FOXP2: variants seen among roughly 807,000 people sequenced by gnomAD.
The protein encoded by FOXP2 is forkhead box P2.
In FOXP2, 12 loss-of-function variants were observed where a neutral mutation model predicts 115.8. The ratio of observed to expected loss-of-function variants is 0.10; its 90% CI spans 0.07 to 0.17. The LOEUF (loss-of-function observed/expected upper bound fraction) is 0.17. Among genes scored for constraint, FOXP2 ranks in the 10% least tolerant of loss-of-function variants. The pLI is 1.00. For missense variants in FOXP2, 629 were observed against 843.5 expected, an observed-to-expected ratio of 0.75 and a Z score of 3.15; for synonymous variants, 328 against 297.7, an observed-to-expected ratio of 1.10 and a Z score of -1.05.
chr7:114,689,173 A>G (rs1015106284), intron 16 of FOXP2, among the ~76,000 whole-genome samples: 2 of 152,168 alleles, frequency 1.3e-5, no homozygotes, highest in Admixed American at 6.6e-5. Flanking sequence ...TTTTAATTAC[A>G]TAATGTATGT....
At chr7:114,353,334 CTTTT>C (rs138925770) in intron 2 of FOXP2, among the ~76,000 whole-genome samples, 3,345 of 63,834 alleles carry the variant, frequency 0.052, 56 homozygotes, top group South Asian at 0.11. Flanking sequence ...ATAGGAGCCT[CTTTT>C]TTTTTTTTTT....
chr7:114,289,396 A>G (rs1796540291), intron 2 of FOXP2, among the ~76,000 whole-genome samples: 1 of 151,894 alleles, frequency 6.6e-6, no homozygotes, highest in Admixed American at 6.6e-5. Context: ...ACAATTAGAG[A>G]TAGAACACAT....
At chr7:114,230,058 G>A (rs1362770886) in intron 1 of FOXP2, among the ~76,000 whole-genome samples, 1 of 151,706 alleles carries the variant, frequency 6.6e-6, no homozygotes, top group Non-Finnish European at 1.5e-5. Context: ...ACAACTGATG[G>A]CACAGAAATA....
chr7:114,439,735 A>G (rs1357369637), intron 2 of FOXP2, among the ~76,000 whole-genome samples: 1 of 149,702 alleles, frequency 6.7e-6, no homozygotes, highest in Non-Finnish European at 1.5e-5. Flanking sequence ...GTGTATATAG[A>G]TGTGTGTGTG....
At chr7:114,351,608 A>C (rs567530304) in intron 2 of FOXP2, among the ~76,000 whole-genome samples, 354 of 152,244 alleles carry the variant, frequency 2.3e-3, no homozygotes, top group Non-Finnish European at 4.4e-3. Context: ...AGTATGATAA[A>C]GTAATAGTTT....
At position 114,414,922 on chromosome 7, in the gene FOXP2, GCA is replaced by G. The variant is rs370182773; in HGVS notation, c.-438_-437del. 323 of 377,922 alleles carry G rather than the reference GCA, an allele frequency of 8.5e-4. 1 individual carries two copies. The highest frequency in any genetic ancestry group is 4.5e-3 in the African/African-American group (215 of 47,414). The allele number at this position is 377,922 out of a possible 1,614,324, so 23.4% of individuals were successfully genotyped here. A position where few individuals can be genotyped will look rare whatever the true frequency, so the allele number is the denominator to read the frequency against. ...CACACACTCACACACTCACACACAT[GCA>G]CACACACACATACACACACACAAAA... is the stretch of plus-strand genomic sequence containing the variant. On this transcript the variant is annotated 5_prime_UTR_variant, in exon 1 of 17. The change abolishes the stop of an existing upstream ORF in the 5' untranslated region. Transcript: ENST00000350908.
chr7:114,559,043 A>G (rs1171029503), intron 3 of FOXP2, among the ~76,000 whole-genome samples: 1 of 149,250 alleles, frequency 6.7e-6, no homozygotes, highest in Non-Finnish European at 1.5e-5. Flanking sequence ...ATTTTTTTTC[A>G]AAAACGCTTA....
intron 2 of FOXP2, among the ~76,000 whole-genome samples, chr7:114,401,085 C>T (rs1386889307): frequency 6.6e-6 from 1 of 152,098 alleles, no homozygotes; most frequent in African/African-American, 2.4e-5. Flanking sequence ...GGGTGAGGAA[C>T]GTGATTAGAT....
At chr7:114,127,598 A>G (rs1417336844) in intron 1 of FOXP2, among the ~76,000 whole-genome samples, 1 of 152,222 alleles carries the variant, frequency 6.6e-6, no homozygotes, top group Non-Finnish European at 1.5e-5. Context: ...AAAGAGACGA[A>G]GAAGGTATTA....
chr7:114,317,847 C>T (rs1348922843), intron 2 of FOXP2, among the ~76,000 whole-genome samples: 1 of 151,688 alleles, frequency 6.6e-6, no homozygotes, highest in African/African-American at 2.4e-5. Context: ...CCACAGTAGC[C>T]TTCTTGCTGT....
At chr7:114,664,133 AT>A (rs1222366599) in intron 15 of FOXP2, 139 bp from the exon 16 acceptor site, 34 of 967,334 alleles carry the variant, frequency 3.5e-5, no homozygotes, top group East Asian at 2.1e-4. Context: ...CCAGTTAGGA[AT>A]TTTTTTTCAA....
chr7:114,592,821 TC>T (rs1257472152), intron 3 of FOXP2, among the ~76,000 whole-genome samples: 3 of 152,186 alleles, frequency 2.0e-5, no homozygotes, highest in Middle Eastern at 3.4e-3. Flanking sequence ...TCTGTGAATG[TC>T]CATTTACCTC....
chr7:114,339,913 G>T (rs576203871), intron 2 of FOXP2, among the ~76,000 whole-genome samples: 1 of 151,160 alleles, frequency 6.6e-6, no homozygotes, highest in South Asian at 2.1e-4. Flanking sequence ...TATGTAGTAG[G>T]TGAATATAAT....
chr7:114,642,716 A>G lies in FOXP2; in HGVS notation c.989+93A>G, dbSNP rs952535982. ...AAAAAGAACAATTTGTACTTGGAGC[A>G]AGGACAAAATGTATAGAACAACAGA... On this transcript the variant is annotated intron_variant, in intron 7 of 16. Transcript: ENST00000350908. The G allele has an allele frequency of 1.3e-5, 14 of 1,061,990 alleles. No homozygotes were observed. In the Admixed American group the frequency reaches 2.5e-4, roughly 19 times the overall value. 65.8% of individuals were successfully genotyped at this position (1,061,990 alleles called of 1,614,324 possible).
At chr7:114,096,729 A>C (rs544079824) in intron 1 of FOXP2, among the ~76,000 whole-genome samples, 1 of 152,302 alleles carries the variant, frequency 6.6e-6, no homozygotes, top group African/African-American at 2.4e-5. Flanking sequence ...AAAACAACTC[A>C]TTTTTCTGGC....
chr7:114,371,146 T>C (rs1218754189), intron 2 of FOXP2, among the ~76,000 whole-genome samples: 1 of 152,204 alleles, frequency 6.6e-6, no homozygotes, highest in Non-Finnish European at 1.5e-5. Flanking sequence ...AGTGGTACTG[T>C]CAGGGCTAAC....
At chr7:114,626,166 T>C (rs796376150) in intron 3 of FOXP2, among the ~76,000 whole-genome samples, 3 of 151,954 alleles carry the variant, frequency 2.0e-5, no homozygotes, top group African/African-American at 7.2e-5. Flanking sequence ...CAAACCATTT[T>C]AGGAGTAAAA....
At chr7:114,388,888 C>T (rs186052413) in intron 2 of FOXP2, among the ~76,000 whole-genome samples, 71 of 152,282 alleles carry the variant, frequency 4.7e-4, no homozygotes, top group African/African-American at 1.5e-3. Flanking sequence ...TGCTTTTAAT[C>T]ATTTAGGCCA....
intron 2 of FOXP2, among the ~76,000 whole-genome samples, chr7:114,511,221 G>A (rs1798055020): frequency 6.6e-6 from 1 of 152,110 alleles, no homozygotes; most frequent in South Asian, 2.1e-4. Flanking sequence ...GGGGGGCTAG[G>A]GGAGGGATAG....
Sources: gnomAD v4.1 joint callset for allele counts (sites outside exome capture counted in the v4.1 genomes callset) on GRCh38, gnomAD v4.1.1 for gene constraint, MANE v1.5 for transcripts, NCBI Gene and HGNC (gene_info 2026-07-23, HGNC 2026-07-21) for gene names.